OPCML: variants seen among roughly 807,000 people sequenced by gnomAD.
The protein encoded by OPCML is opioid-binding protein/cell adhesion molecule.
Under a neutral mutation model 37.8 loss-of-function variants are expected in OPCML, and 13 were observed. The observed-to-expected ratio is 0.34, with a 90% CI of 0.22 to 0.55. The LOEUF is 0.55. OPCML is among the 20% of genes least tolerant of loss of function. The pLI is 0.91. For synonymous variants in OPCML, 176 were observed against 168.8 expected, an observed-to-expected ratio of 1.04 and a Z score of -0.33; for missense variants, 341 against 435.6, an observed-to-expected ratio of 0.78 and a Z score of 1.93.
intron 3 of OPCML, among the ~76,000 whole-genome samples, chr11:132,596,110 A>T (rs894192687): frequency 6.6e-6 from 1 of 152,202 alleles, no homozygotes; most frequent in African/African-American, 2.4e-5. Flanking sequence ...TTTCACATAC[A>T]TGACATAATC....
chr11:133,295,361 G>C (rs1001296468), intron 1 of OPCML, among the ~76,000 whole-genome samples: 33 of 152,146 alleles, frequency 2.2e-4, no homozygotes, highest in African/African-American at 8.0e-4. Context: ...GCTAAGGTAG[G>C]TAAGCTTACA....
chr11:132,730,412 A>T (rs1939513), intron 2 of OPCML, among the ~76,000 whole-genome samples: 2 of 151,984 alleles, frequency 1.3e-5, no homozygotes, highest in African/African-American at 4.8e-5. Flanking sequence ...GGCTAAAATA[A>T]TCTAAAAGGA....
chr11:133,497,233 T>C (rs1947805834), intron 1 of OPCML, among the ~76,000 whole-genome samples: 1 of 152,170 alleles, frequency 6.6e-6, no homozygotes, highest in African/African-American at 2.4e-5. Flanking sequence ...TTGTCATTGT[T>C]GGATTGGGTT....
chr11:133,349,260 T>A (rs1264779171), intron 1 of OPCML, among the ~76,000 whole-genome samples: 1 of 152,238 alleles, frequency 6.6e-6, no homozygotes, highest in East Asian at 1.9e-4. Flanking sequence ...CCATTCTCTC[T>A]GTACATTGTG....
chr11:133,297,020 A>G (rs1942647425), intron 1 of OPCML, among the ~76,000 whole-genome samples: 1 of 152,196 alleles, frequency 6.6e-6, no homozygotes, highest in Non-Finnish European at 1.5e-5. Flanking sequence ...GTGAACAGTC[A>G]TACCTCCATG....
intron 1 of OPCML, among the ~76,000 whole-genome samples, chr11:133,406,280 G>A (rs1945523820): frequency 1.3e-5 from 2 of 152,136 alleles, no homozygotes; most frequent in Non-Finnish European, 2.9e-5. Flanking sequence ...GTGCATATCT[G>A]AGCTGCACCT....
chr11:133,031,872 C>T (rs187738465), intron 1 of OPCML, among the ~76,000 whole-genome samples: 62 of 152,254 alleles, frequency 4.1e-4, no homozygotes, highest in Admixed American at 3.0e-3. Flanking sequence ...AATAAAAATA[C>T]AAGTTTCTAT....
chr11:132,986,675 C>T (rs550130069), intron 1 of OPCML, among the ~76,000 whole-genome samples: 1 of 152,234 alleles, frequency 6.6e-6, no homozygotes, highest in South Asian at 2.1e-4. Context: ...GGTTCTGTAT[C>T]TGTATGCCTT....
At chr11:132,598,481 C>T (rs778365459) in intron 3 of OPCML, among the ~76,000 whole-genome samples, 1 of 152,082 alleles carries the variant, frequency 6.6e-6, no homozygotes, top group Non-Finnish European at 1.5e-5. Context: ...AAATATGCAA[C>T]TAATAGTCAC....
chr11:133,248,309 G>T (rs1941018165), intron 1 of OPCML, among the ~76,000 whole-genome samples: 2 of 152,202 alleles, frequency 1.3e-5, no homozygotes, highest in South Asian at 4.1e-4. Context: ...GTACCTGTGG[G>T]TTAGGGCGTA....
At chr11:133,383,602 T>C (rs769301158) in intron 1 of OPCML, among the ~76,000 whole-genome samples, 8 of 152,162 alleles carry the variant, frequency 5.3e-5, no homozygotes, top group Non-Finnish European at 8.8e-5. Context: ...ACAGAACATA[T>C]CCATAAACAA....
chr11:132,870,038 T>C (rs1942734584), intron 2 of OPCML, among the ~76,000 whole-genome samples: 1 of 152,294 alleles, frequency 6.6e-6, no homozygotes, highest in Admixed American at 6.5e-5. Flanking sequence ...TTCCCTCCTA[T>C]AAGCTCCACA....
chr11:132,671,119 C>A (rs1247413989), intron 2 of OPCML, among the ~76,000 whole-genome samples: 2 of 152,100 alleles, frequency 1.3e-5, no homozygotes, highest in Admixed American at 1.3e-4. Flanking sequence ...AAATAAAACT[C>A]TCATGAAACA....
intron 3 of OPCML, among the ~76,000 whole-genome samples, chr11:132,563,679 T>C (rs1439872429): frequency 6.6e-6 from 1 of 152,164 alleles, no homozygotes; most frequent in Non-Finnish European, 1.5e-5. Context: ...ACTGAAGAAA[T>C]TTCCTTTCAG....
chr11:132,803,860 T>G (rs1187058123), intron 2 of OPCML, among the ~76,000 whole-genome samples: 1 of 152,200 alleles, frequency 6.6e-6, no homozygotes, highest in African/African-American at 2.4e-5. Context: ...TTAAATGAGT[T>G]TAATATGTAA....
intron 1 of OPCML, among the ~76,000 whole-genome samples, chr11:133,310,482 T>C (rs558038454): frequency 3.3e-5 from 5 of 152,318 alleles, no homozygotes; most frequent in African/African-American, 4.8e-5. Flanking sequence ...TTATACTTTA[T>C]GGCATAAGGT....
At chr11:133,512,462 T>C (rs924847948) in intron 1 of OPCML, among the ~76,000 whole-genome samples, 1 of 152,190 alleles carries the variant, frequency 6.6e-6, no homozygotes, top group African/African-American at 2.4e-5. Context: ...ATCCAGAAGC[T>C]CTCTGAATCC....
chr11:133,110,787 C>G (rs911580977), intron 1 of OPCML, among the ~76,000 whole-genome samples: 3 of 152,160 alleles, frequency 2.0e-5, no homozygotes, highest in African/African-American at 4.8e-5. Flanking sequence ...AACAAATTCC[C>G]TAACAGCATT....
chr11:132,620,654 T>C (rs996155821), intron 3 of OPCML, among the ~76,000 whole-genome samples: 1 of 152,216 alleles, frequency 6.6e-6, no homozygotes, highest in African/African-American at 2.4e-5. Flanking sequence ...GCAGGATGTC[T>C]ACAAAGGGAC....
Sources: allele counts gnomAD v4.1 joint callset (sites outside exome capture counted in the v4.1 genomes callset), GRCh38; gene constraint gnomAD v4.1.1; transcripts MANE v1.5; gene names NCBI Gene and HGNC (gene_info 2026-07-23, HGNC 2026-07-21).